The following LTBP2 variants were observed in gnomAD, a reference collection of about 807,000 sequenced individuals.
The protein encoded by LTBP2 is latent-transforming growth factor beta-binding protein 2.
A neutral mutation model predicts 210.6 loss-of-function variants in LTBP2; 103 were observed. The observed-to-expected ratio is 0.49, with a 90% CI of 0.42 to 0.58. The LOEUF (loss-of-function observed/expected upper bound fraction) is 0.58, where lower values mean the gene tolerates loss of function less well. LTBP2 is among the 20% of genes least tolerant of loss of function. The pLI, the probability that LTBP2 is intolerant of heterozygous loss-of-function variation, is 0.00. For synonymous variants in LTBP2, 1,007 were observed against 1,015.0 expected (o/e 0.99, Z 0.15); for missense variants, 2,313 against 2,494.5 (o/e 0.93, Z 1.55).
intron 5 of LTBP2, 109 bp downstream of exon 5, chr14:74,552,783 T>C: frequency 1.4e-6 from 2 of 1,394,898 alleles, no homozygotes; most frequent in Non-Finnish European, 2.0e-6. Context: ...GGACAACTTG[T>C]GGAGCCACAG....
chr14:74,555,584 C>A lies in LTBP2; in HGVS notation c.940G>T (p.Ala314Ser), dbSNP rs757872088. 5.0e-6 allele frequency: 8 copies of A among 1,611,704 alleles called. No individual in the cohort carries two copies. In the South Asian group the frequency reaches 6.6e-5, roughly 13 times the overall value. Residue 314 changes from alanine to serine, a missense_variant, in exon 4 of 36, where the codon GCC becomes TCC. By Grantham distance (99) the Ala-to-Ser change is moderately conservative (BLOSUM62 1). This residue lies in a region of LTBP2 where 1,867 missense variants were observed against 1,976.9 expected (regional missense o/e 0.94). Coordinates refer to ENST00000261978, the MANE Select transcript of LTBP2 (RefSeq NM_000428.3). ...TCAAGGCCTGGTCCCGGGGGCAGGG[C>A]GTTGGAAGAGAGCTGGCTACTGGCC... ...ATASSQLSSN[A>S]LPPGPGLEQR...
rs7141331 is a variant in LTBP2, at chr14:74,577,590, C to T, written c.830+8264G>A. On this transcript the variant is annotated intron_variant, in intron 3 of 35. Coordinates refer to ENST00000261978, the MANE Select transcript of LTBP2 (RefSeq NM_000428.3). The stretch of plus-strand genomic sequence containing the variant: ...GTGGCGCAATCTCAGTTCACTGCAA[C>T]CTCTACCTCCCAGATTCAAGCCATT... 9.9e-5 allele frequency among the ~76,000 whole-genome samples: 15 copies of T among 151,174 alleles called. No homozygotes were observed. The East Asian group carries it at 2.7e-3, about 28-fold the overall frequency.
intron 3 of LTBP2, among the ~76,000 whole-genome samples, chr14:74,564,355 T>TTA (rs376611040): frequency 7.4e-4 from 5 of 6,722 alleles, no homozygotes; most frequent in Non-Finnish European, 1.5e-3. Context: ...TTATATATAT[T>TTA]TATATATATA....
intron 10 of LTBP2, among the ~76,000 whole-genome samples, chr14:74,531,766 C>T (rs891004309): frequency 9.2e-5 from 14 of 152,238 alleles, no homozygotes; most frequent in African/African-American, 2.9e-4. Flanking sequence ...TCAGGCCTCC[C>T]GGCCCAGGGA....
intron 2 of LTBP2, among the ~76,000 whole-genome samples, chr14:74,598,739 C>A (rs1057173691): frequency 6.6e-6 from 1 of 152,156 alleles, no homozygotes; most frequent in Admixed American, 6.5e-5. Flanking sequence ...CCCTCAGCCA[C>A]GTGGTGGAGC....
At position 74,527,190 on chromosome 14, in the gene LTBP2, A is replaced by G. The variant is rs540845353; in HGVS notation, c.2388+157T>C. On this transcript the variant is annotated intron_variant, in intron 13 of 35. Coordinates refer to ENST00000261978, the MANE Select transcript of LTBP2 (RefSeq NM_000428.3). ...AGGGTAAAACTGGGTCTTTGGATCAATCCTCCCACTTGGTCATCTCTTCAA... is the reference window on the plus strand; with the variant it reads ...AGGGTAAAACTGGGTCTTTGGATCAGTCCTCCCACTTGGTCATCTCTTCAA... Among the ~76,000 whole-genome samples, 3 of 152,330 alleles carry G rather than the reference A, an allele frequency of 2.0e-5. No homozygotes were observed. The East Asian group carries it at 5.8e-4, about 29-fold the overall frequency.
intron 8 of LTBP2, among the ~76,000 whole-genome samples, chr14:74,544,026 C>G (rs549813585): frequency 6.6e-6 from 1 of 152,342 alleles, no homozygotes; most frequent in South Asian, 2.1e-4. Context: ...TGACACCCAC[C>G]CCTGCTGGGT....
intron 8 of LTBP2, among the ~76,000 whole-genome samples, chr14:74,541,282 C>T (rs2087504803): frequency 6.6e-6 from 1 of 152,146 alleles, no homozygotes; most frequent in Non-Finnish European, 1.5e-5. Context: ...ACTGTTATGT[C>T]TCTGGTGCCA....
At position 74,552,177 on chromosome 14, in the gene LTBP2, C is replaced by T. The variant is rs143528294; in HGVS notation, c.1399+10G>A. On this transcript the variant is annotated intron_variant, in intron 6 of 35. Transcript: ENST00000261978. ...CAGGGTCCCGCCGGCCCAGCTGTGCCGGCACTCACCCAGCTGGTTGGAGAG... is the reference window on the plus strand; with the variant it reads ...CAGGGTCCCGCCGGCCCAGCTGTGCTGGCACTCACCCAGCTGGTTGGAGAG... The T allele has an allele frequency of 8.2e-6, 13 of 1,590,562 alleles. No homozygotes were observed. The highest frequency in any genetic ancestry group is 2.7e-5 in the African/African-American group (2 of 74,372).
At position 74,569,671 on chromosome 14, in the gene LTBP2, G is replaced by A. The variant is rs141829124; in HGVS notation, c.831-13978C>T. Among the ~76,000 whole-genome samples, 3 of 152,290 alleles carry A rather than the reference G, an allele frequency of 2.0e-5. No individual in the cohort carries two copies. In the East Asian group the frequency reaches 5.8e-4, roughly 29 times the overall value. ...TCTGGGTATCTGCTGGGGCGTCAGA[G>A]TCCTTCCCACACAACCTGTCTTGAT... On this transcript the variant is annotated intron_variant, in intron 3 of 35. Transcript: ENST00000261978.
chr14:74,509,390 G>A (rs1352161931), intron 21 of LTBP2, 27 bp from the exon 22 acceptor site: 1 of 1,612,600 alleles, frequency 6.2e-7, no homozygotes. Context: ...CTCGCCCGGG[G>A]ACCTAGGAGG....
At chr14:74,507,420 C>A in intron 25 of LTBP2, 110 bp from the exon 26 acceptor site, 3 of 1,455,764 alleles carry the variant, frequency 2.1e-6, no homozygotes, top group Non-Finnish European at 2.9e-6. Context: ...TTCCAAATTA[C>A]TGTGCTCATC....
In LTBP2 at chr14:74,611,474, G is replaced by A. The variant is rs766171228; in HGVS notation, c.471C>T (p.Thr157=). The part of the protein sequence containing the change: ...TPQRSGAAPP[T]PPRGRLTGRN... ...ACCCCGTGAGCCGCCCTCGCGGCGG[G>A]GTTGGGGGCGCAGCCCCAGACCGCT... The change falls in exon 1 of 36, where the codon ACC becomes ACT. Residue 157 remains threonine, a synonymous_variant. Transcript: ENST00000261978. The A allele has an allele frequency of 6.7e-7, 1 of 1,497,904 alleles. No homozygotes were observed. Among genetic ancestry groups the A allele is most frequent in the Admixed American group, 2.4e-5 (1 of 42,244 alleles). The allele number at this position is 1,497,904 out of a possible 1,614,324, so 92.8% of individuals were successfully genotyped here. A position where few individuals can be genotyped will look rare whatever the true frequency, so the allele number is the denominator to read the frequency against.
chr14:74,610,566 A>G (rs553415434), intron 1 of LTBP2, among the ~76,000 whole-genome samples: 1 of 152,270 alleles, frequency 6.6e-6, no homozygotes, highest in South Asian at 2.1e-4. Flanking sequence ...CTCACTGCCC[A>G]GGGCTCAGTG....
chr14:74,560,963 C>T (rs2048823756), intron 3 of LTBP2, among the ~76,000 whole-genome samples: 1 of 152,056 alleles, frequency 6.6e-6, no homozygotes. Context: ...AACAAATTCC[C>T]TGTGGATATC....
chr14:74,506,315 T>C (rs1036627769), intron 27 of LTBP2, 124 bp from the exon 28 acceptor site: 9 of 1,299,660 alleles, frequency 6.9e-6, no homozygotes, highest in Admixed American at 1.9e-5. Flanking sequence ...AGAGTAAGTA[T>C]AGATTTGTAG....
chr14:74,501,103 T>A, intron 35 of LTBP2, 74 bp from the exon 36 acceptor site: 2 of 1,527,268 alleles, frequency 1.3e-6, no homozygotes, highest in Non-Finnish European at 8.9e-7. Flanking sequence ...CTCTGGTTAG[T>A]AAGCCCTGGC....
rs1261499997 is a variant in LTBP2, at chr14:74,540,802, T to TA, written c.1790-4803dup. Among the ~76,000 whole-genome samples, 19 of 9,348 alleles carry TA rather than the reference T, an allele frequency of 2.0e-3. No homozygotes were observed. The Non-Finnish European group carries it at 0.025, about 12-fold the overall frequency. The allele number at this position is 9,348 out of a possible 152,430, so 6.1% of individuals were successfully genotyped here. On this transcript the variant is annotated intron_variant, in intron 8 of 35. Coordinates refer to ENST00000261978, the MANE Select transcript of LTBP2 (RefSeq NM_000428.3). ...TATATATTATATATATATTTATATA[T>TA]ATATATAATATATATATATTTTTAT...
chr14:74,519,819 T>G (rs563249656), intron 17 of LTBP2, among the ~76,000 whole-genome samples: 80 of 152,180 alleles, frequency 5.3e-4, no homozygotes, highest in Non-Finnish European at 8.8e-4. Context: ...AGCTGCTGCT[T>G]ATCCCAGGCC....
Sources: gnomAD v4.1 joint callset for allele counts (sites outside exome capture counted in the v4.1 genomes callset) on GRCh38, gnomAD v4.1.1 for gene constraint, gnomAD v4.1.1 regional missense constraint, MANE v1.5 for transcripts, NCBI Gene and HGNC (gene_info 2026-07-23, HGNC 2026-07-21) for gene names.